Variants in FLI1 observed in about 807,000 individuals in gnomAD.
FLI1 encodes Fli-1 proto-oncogene, ETS transcription factor.
In FLI1, 13 loss-of-function variants were observed where a neutral mutation model predicts 53.1. The ratio of observed to expected loss-of-function variants is 0.24; its 90% CI spans 0.16 to 0.39. FLI1 has a LOEUF of 0.39. Among genes scored for constraint, FLI1 ranks in the 10% least tolerant of loss-of-function variants. The pLI is 1.00. For missense variants in FLI1, 424 were observed against 600.5 expected (o/e 0.71, Z 3.07); for synonymous variants, 244 against 236.7 (o/e 1.03, Z -0.28).
intron 6 of FLI1, 194 bp downstream of exon 6, chr11:128,805,625 A>AT: frequency 1.8e-6 from 1 of 542,362 alleles, no homozygotes; most frequent in South Asian, 2.6e-5. Context: ...TTTCGTTTAG[A>AT]TTTTTGAGTT....
chr11:128,685,985 G>C (rs913717562), upstream of FLI1: 14 of 199,526 alleles, frequency 7.0e-5, no homozygotes, highest in Non-Finnish European at 1.3e-4. Context: ...TAAAAATGAG[G>C]ACCTGACAGT....
In FLI1 at chr11:128,751,113, GGAA is replaced by G. The variant is rs543165138; in HGVS notation, c.19-6999_19-6997del. Among the ~76,000 whole-genome samples the G allele has an allele frequency of 1.7e-4, 26 of 152,288 alleles. No homozygotes were observed. The South Asian group carries it at 5.0e-3, about 29-fold the overall frequency. ...ATGGAATGACACCCATGGTTTTAAA[GGAA>G]GAGTGGACACGCAGATTAGTGAAAT... On this transcript the variant is annotated intron_variant, in intron 1 of 8. Coordinates refer to ENST00000527786, the MANE Select transcript of FLI1 (RefSeq NM_002017.5).
chr11:128,722,276 G>A (rs543048771), intron 1 of FLI1, among the ~76,000 whole-genome samples: 2 of 152,244 alleles, frequency 1.3e-5, no homozygotes, highest in Non-Finnish European at 2.9e-5. Context: ...TTTTGACAGG[G>A]TATGGAGGAG....
intron 1 of FLI1, among the ~76,000 whole-genome samples, chr11:128,754,876 T>C (rs1940800348): frequency 6.6e-6 from 1 of 152,262 alleles, no homozygotes; most frequent in East Asian, 1.9e-4. Flanking sequence ...TGTTGCCACT[T>C]GATTGGAGTT....
At chr11:128,796,804 G>A (rs541310346) in intron 5 of FLI1, among the ~76,000 whole-genome samples, 3 of 152,118 alleles carry the variant, frequency 2.0e-5, no homozygotes, top group Non-Finnish European at 2.9e-5. Flanking sequence ...GTGAAACCCC[G>A]TCTCTACTAA....
chr11:128,810,690 A>G lies in FLI1; in HGVS notation c.1061A>G (p.Lys354Arg), dbSNP rs1942914991. The stretch of plus-strand genomic sequence containing the variant: ...AACATTATGACCAAAGTGCACGGCA[A>G]AAGATATGCTTACAAATTTGACTTC... ...DKNIMTKVHG[K>R]RYAYKFDFHG... Residue 354 changes from lysine (K) to arginine (R), a missense_variant, in exon 9 of 9, where the codon AAA (lysine) becomes AGA (arginine). Transcript: ENST00000527786. This position sits in a 1 kb window ranked among gnomAD's most constrained non-coding sequence, Gnocchi z 6.6. 6.2e-7 allele frequency: 1 copy of G among 1,613,984 alleles called. No individual in the cohort carries two copies. The highest frequency in any genetic ancestry group is 8.5e-7 in the Non-Finnish European group (1 of 1,179,924).
At chr11:128,756,828 T>C (rs1940879035) in intron 1 of FLI1, among the ~76,000 whole-genome samples, 2 of 152,214 alleles carry the variant, frequency 1.3e-5, no homozygotes, top group Admixed American at 1.3e-4. Context: ...CATGGAATAA[T>C]GGGAGACTCT....
intron 5 of FLI1, among the ~76,000 whole-genome samples, chr11:128,793,478 C>T (rs924776391): frequency 6.6e-6 from 1 of 152,206 alleles, no homozygotes; most frequent in Admixed American, 6.5e-5. Flanking sequence ...TGCCCCACCC[C>T]TGCCCTGCCC....
At chr11:128,742,615 T>G (rs1028550593) in intron 1 of FLI1, among the ~76,000 whole-genome samples, 2 of 152,224 alleles carry the variant, frequency 1.3e-5, no homozygotes, top group Non-Finnish European at 2.9e-5. Flanking sequence ...ACCAGACACA[T>G]TTCAAGTCCT....
At chr11:128,688,269 C>T (rs924500339) in intron 1 of FLI1, among the ~76,000 whole-genome samples, 2 of 152,216 alleles carry the variant, frequency 1.3e-5, no homozygotes, top group African/African-American at 4.8e-5. Context: ...AGGGACAAAG[C>T]GGAGGCGAGG....
At chr11:128,769,594 G>A (rs1941479397) in intron 3 of FLI1, among the ~76,000 whole-genome samples, 1 of 152,146 alleles carries the variant, frequency 6.6e-6, no homozygotes, top group African/African-American at 2.4e-5. Context: ...TCAAGAAGGT[G>A]TGAGCAAGAG....
chr11:128,767,645 T>G (rs763288373), intron 2 of FLI1, among the ~76,000 whole-genome samples: 6 of 152,180 alleles, frequency 3.9e-5, no homozygotes, highest in African/African-American at 4.8e-5. Context: ...ACAAAGAAAG[T>G]GATGACTATC....
At chr11:128,744,606 G>T (rs910362204) in intron 1 of FLI1, among the ~76,000 whole-genome samples, 31 of 152,182 alleles carry the variant, frequency 2.0e-4, no homozygotes, top group African/African-American at 7.5e-4. Context: ...GGCTCTGCGG[G>T]TAACATGTCA....
chr11:128,766,969 C>CGTCTCCTTGGCCTTCCCATT (rs1182480537), intron 2 of FLI1, among the ~76,000 whole-genome samples: 21 of 152,014 alleles, frequency 1.4e-4, no homozygotes, highest in Admixed American at 1.3e-4. Flanking sequence ...GCCTTCCCAT[C>CGTCTCCTTGGCCTTCCCATT]GTCTCCTTTG....
At chr11:128,727,112 G>A (rs1939518071) in intron 1 of FLI1, among the ~76,000 whole-genome samples, 1 of 152,158 alleles carries the variant, frequency 6.6e-6, no homozygotes, top group South Asian at 2.1e-4. Context: ...AGGCATGTCC[G>A]TAGTTGAAAG....
At chr11:128,710,442 A>G (rs1328160727) in intron 1 of FLI1, among the ~76,000 whole-genome samples, 1 of 152,174 alleles carries the variant, frequency 6.6e-6, no homozygotes, top group African/African-American at 2.4e-5. Flanking sequence ...CTCAAACACT[A>G]GTCTGTAGTT....
intron 5 of FLI1, among the ~76,000 whole-genome samples, chr11:128,792,280 C>T (rs1451722354): frequency 6.6e-6 from 1 of 152,182 alleles, no homozygotes; most frequent in Admixed American, 6.5e-5. Flanking sequence ...CCCCATCATG[C>T]ATTTCCCCCA....
intron 4 of FLI1, among the ~76,000 whole-genome samples, chr11:128,779,486 C>T (rs550286952): frequency 3.9e-5 from 6 of 152,250 alleles, no homozygotes; most frequent in East Asian, 3.9e-4. Flanking sequence ...GTTCAGTAAA[C>T]GCATGTATAA....
At chr11:128,774,089 C>T (rs940349829) in intron 4 of FLI1, among the ~76,000 whole-genome samples, 1 of 152,068 alleles carries the variant, frequency 6.6e-6, no homozygotes, top group African/African-American at 2.4e-5. Context: ...TCTGTTTGCT[C>T]GCCATCGTTC....
Sources: gnomAD v4.1 joint callset for allele counts (sites outside exome capture counted in the v4.1 genomes callset) on GRCh38, gnomAD v4.1.1 for gene constraint, Gnocchi (gnomAD v3.1) non-coding constraint, MANE v1.5 for transcripts, NCBI Gene and HGNC (gene_info 2026-07-23, HGNC 2026-07-21) for gene names.